Variants in ADAM20 observed in about 807,000 individuals in gnomAD.
The protein encoded by ADAM20 is ADAM metallopeptidase domain 20.
For missense variants in ADAM20, 871 were observed against 883.2 expected (o/e 0.99, Z 0.18); for synonymous variants, 305 against 310.2 (o/e 0.98, Z 0.18).
chr14:70,559,802 G>A, the ADAM20 span, among the ~76,000 whole-genome samples: 11 of 152,172 alleles, frequency 7.2e-5, no homozygotes, highest in African/African-American at 2.4e-4. Context: ...TGTAGATGGA[G>A]GGAAGGAAAG....
chr14:70,524,597 C>A lies in ADAM20; in HGVS notation c.161G>T (p.Gly54Val). The change falls in exon 2 of 2, where the codon GGT (glycine) becomes GTT (valine). Residue 54 changes from glycine (G) to valine (V), a missense_variant. Transcript: ENST00000256389. Reference protein sequence around the residue: ...IPLKVISRGRGAKAPGWLSYS... With the variant: ...IPLKVISRGRVAKAPGWLSYS... ...GGAGAGCCATCCAGGAGCCTTTGCA[C>A]CTCTGCCCCTGCTGATCACCTTCAA... 1.2e-6 allele frequency: 2 copies of A among 1,614,000 alleles called. No homozygotes were observed. The highest frequency in any genetic ancestry group is 1.1e-5 in the South Asian group (1 of 91,078).
chr14:70,524,563 C>T lies in ADAM20; in HGVS notation c.195G>A (p.Leu65=). Residue 65 remains leucine, a synonymous_variant, in exon 2 of 2, where the codon CTG becomes CTA. Coordinates refer to ENST00000256389, the MANE Select transcript of ADAM20 (RefSeq NM_003814.5). ...AKAPGWLSYS[L]RFGGQRYIVH... ...CAATGTATCTCTGTCCCCCAAACCGCAGGCTATAGGAGAGCCATCCAGGAG... is the reference window on the plus strand; with the variant it reads ...CAATGTATCTCTGTCCCCCAAACCGTAGGCTATAGGAGAGCCATCCAGGAG... 6.2e-7 allele frequency: 1 copy of T among 1,614,038 alleles called. No individual in the cohort carries two copies.
intron 1 of ADAM20, among the ~76,000 whole-genome samples, chr14:70,531,837 G>GA (rs1289642468): frequency 6.6e-6 from 1 of 151,810 alleles, no homozygotes; most frequent in Non-Finnish European, 1.5e-5. Flanking sequence ...AAACCTTGCT[G>GA]AAAAAAATTA....
chr14:70,532,191 A>G (rs1883726161), intron 1 of ADAM20, among the ~76,000 whole-genome samples: 1 of 152,088 alleles, frequency 6.6e-6, no homozygotes, highest in Non-Finnish European at 1.5e-5. Flanking sequence ...TGTATGAATA[A>G]ATGACCTCTG....
rs777568501 is a variant in ADAM20, at chr14:70,524,652, A to G, written c.106T>C (p.Tyr36His). ...ATCACCACTTCTGGAGAAGTGAAAT[A>G]CTGGGAGGGCCTGGCCTGAGAGTGG... ...SGHSQARPSQ[Y>H]FTSPEVVIPL... The change falls in exon 2 of 2, where the codon TAT (tyrosine) becomes CAT (histidine). Residue 36 changes from tyrosine (Y) to histidine (H), a missense_variant. Transcript: ENST00000256389. 3.7e-6 allele frequency: 6 copies of G among 1,613,918 alleles called. No individual in the cohort carries two copies. Among genetic ancestry groups the G allele is most frequent in the Non-Finnish European group, 5.1e-6 (6 of 1,179,962 alleles).
At chr14:70,560,658 T>C in the ADAM20 span, among the ~76,000 whole-genome samples, 1 of 152,068 alleles carries the variant, frequency 6.6e-6, no homozygotes, top group African/African-American at 2.4e-5. Flanking sequence ...CTCTTGCTGT[T>C]CTCATGATAA....
chr14:70,576,285 G>A, the ADAM20 span, among the ~76,000 whole-genome samples: 1 of 152,050 alleles, frequency 6.6e-6, no homozygotes, highest in Non-Finnish European at 1.5e-5. Flanking sequence ...TTAGAAGGGG[G>A]CATAACAGCT....
At chr14:70,536,396 G>A (rs1190883429), upstream of ADAM20, among the ~76,000 whole-genome samples, 1 of 142,024 alleles carries the variant, frequency 7.0e-6, no homozygotes. Context: ...AATCCAGGAG[G>A]CAGAGGTTGC....
the ADAM20 span, among the ~76,000 whole-genome samples, chr14:70,545,482 C>T: frequency 6.6e-6 from 1 of 151,876 alleles, no homozygotes; most frequent in Admixed American, 6.5e-5. Flanking sequence ...AAATGTACTT[C>T]ACCTATAAAG....
chr14:70,565,827 T>C, the ADAM20 span, among the ~76,000 whole-genome samples: 1 of 152,208 alleles, frequency 6.6e-6, no homozygotes, highest in East Asian at 1.9e-4. Flanking sequence ...GCAAATACAT[T>C]ATTTTATACA....
chr14:70,549,988 AG>A, the ADAM20 span, among the ~76,000 whole-genome samples: 7 of 51,082 alleles, frequency 1.4e-4, no homozygotes, highest in Non-Finnish European at 2.4e-4. Context: ...ACTAGAACTC[AG>A]GATTAAAAAT....
rs2139531415 is a variant in ADAM20 at position 70,524,923 on chromosome 14, G to A, written c.-166C>T. ...GCTGGACCATCAGAGCTGCAGTGCTGAAAATAAAAACTGAAAGAGCCAGGA... is the reference window on the plus strand; with the variant it reads ...GCTGGACCATCAGAGCTGCAGTGCTAAAAATAAAAACTGAAAGAGCCAGGA... On this transcript the variant is annotated 5_prime_UTR_variant, in exon 2 of 2. Coordinates refer to ENST00000256389, the MANE Select transcript of ADAM20 (RefSeq NM_003814.5). The A allele has an allele frequency of 6.4e-7, 1 of 1,569,690 alleles. No homozygotes were observed. The highest frequency in any genetic ancestry group is 8.6e-7 in the Non-Finnish European group (1 of 1,158,778).
At chr14:70,530,947 A>G (rs1362164319) in intron 1 of ADAM20, among the ~76,000 whole-genome samples, 1 of 152,118 alleles carries the variant, frequency 6.6e-6, no homozygotes, top group African/African-American at 2.4e-5. Context: ...CTAGAAGGAA[A>G]GAAGAAAAAA....
At chr14:70,533,853 T>A (rs1883769016) in intron 1 of ADAM20, among the ~76,000 whole-genome samples, 1 of 150,698 alleles carries the variant, frequency 6.6e-6, no homozygotes, top group Admixed American at 6.6e-5. Flanking sequence ...GAGGCTAAGG[T>A]GGGTGGATCA....
At chr14:70,571,360 CA>C in the ADAM20 span, among the ~76,000 whole-genome samples, 1 of 152,192 alleles carries the variant, frequency 6.6e-6, no homozygotes, top group Non-Finnish European at 1.5e-5. Context: ...TCAGTTCTCA[CA>C]GGATCTGATG....
At chr14:70,564,237 C>T in the ADAM20 span, among the ~76,000 whole-genome samples, 2 of 152,350 alleles carry the variant, frequency 1.3e-5, no homozygotes, top group Admixed American at 1.3e-4. Context: ...AGAACTAAGG[C>T]TTTCTCTTCA....
chr14:70,535,769 T>G (rs1472950065), upstream of ADAM20, among the ~76,000 whole-genome samples: 2 of 152,284 alleles, frequency 1.3e-5, no homozygotes, highest in East Asian at 3.9e-4. Context: ...TAATTCATAT[T>G]AGCAAAAGAA....
At chr14:70,546,828 T>C in the ADAM20 span, among the ~76,000 whole-genome samples, 13 of 151,562 alleles carry the variant, frequency 8.6e-5, no homozygotes, top group African/African-American at 3.2e-4. Flanking sequence ...TAAATGAAAT[T>C]GAAATGAAGA....
At chr14:70,533,968 A>G (rs1883771428) in intron 1 of ADAM20, among the ~76,000 whole-genome samples, 1 of 150,946 alleles carries the variant, frequency 6.6e-6, no homozygotes, top group African/African-American at 2.4e-5. Flanking sequence ...CTGTAGTCCC[A>G]GCTTCTCAGG....
Sources: allele counts gnomAD v4.1 joint callset (sites outside exome capture counted in the v4.1 genomes callset), GRCh38; gene constraint gnomAD v4.1.1; transcripts MANE v1.5; gene names NCBI Gene and HGNC (gene_info 2026-07-23, HGNC 2026-07-21).